The following MED27 variants were observed in gnomAD, a reference collection of about 807,000 sequenced individuals.
MED27 encodes the protein mediator complex subunit 27.
Under a neutral mutation model 38.2 loss-of-function variants are expected in MED27, and 30 were observed. That is an observed-to-expected ratio of 0.79 (90% CI 0.59 to 1.07). The LOEUF (loss-of-function observed/expected upper bound fraction) is 1.07, where lower values mean the gene tolerates loss of function less well. Ranked by LOEUF, MED27 falls within the 50% of genes least tolerant of loss-of-function variation. The probability of loss-of-function intolerance (pLI) is 0.00; values close to 1 mark genes in which losing one functional copy is unlikely to be tolerated. For synonymous variants in MED27, 122 were observed against 153.5 expected (o/e 0.79, Z 1.52); for missense variants, 289 against 397.5 (o/e 0.73, Z 2.32).
intron 2 of MED27, among the ~76,000 whole-genome samples, chr9:132,022,186 CTA>C (rs1398956266): frequency 6.6e-6 from 1 of 152,120 alleles, no homozygotes; most frequent in African/African-American, 2.4e-5. Flanking sequence ...TCTTGTTTGC[CTA>C]TGTTTCTACT....
chr9:132,027,733 A>C (rs1162198902), intron 2 of MED27, among the ~76,000 whole-genome samples: 3 of 152,248 alleles, frequency 2.0e-5, no homozygotes, highest in Non-Finnish European at 4.4e-5. Context: ...GTGAATAGTC[A>C]TACATTTTGC....
At chr9:132,059,770 C>A (rs1235745897) in intron 2 of MED27, among the ~76,000 whole-genome samples, 1 of 152,236 alleles carries the variant, frequency 6.6e-6, no homozygotes, top group Non-Finnish European at 1.5e-5. Context: ...CAGGGACATA[C>A]GACTTCCCTC....
intron 5 of MED27, 55 bp from the exon 6 acceptor site, chr9:131,884,154 A>C: frequency 7.0e-7 from 1 of 1,421,226 alleles, no homozygotes; most frequent in Non-Finnish European, 9.7e-7. Flanking sequence ...TCGGGACTTC[A>C]AGAAATAATA....
intron 2 of MED27, among the ~76,000 whole-genome samples, chr9:132,035,930 A>AC (rs995986005): frequency 2.0e-5 from 3 of 151,942 alleles, no homozygotes; most frequent in African/African-American, 7.3e-5. Flanking sequence ...ACACCACTGC[A>AC]CCCCCAGCCT....
chr9:132,038,164 C>T (rs994391924), intron 2 of MED27, among the ~76,000 whole-genome samples: 4 of 150,986 alleles, frequency 2.6e-5, no homozygotes, highest in Middle Eastern at 3.5e-3. Context: ...ATGGGCCAAT[C>T]GCTAAAATGT....
chr9:132,042,346 A>G (rs1182251155), intron 2 of MED27, among the ~76,000 whole-genome samples: 2 of 152,230 alleles, frequency 1.3e-5, no homozygotes, highest in Non-Finnish European at 2.9e-5. Context: ...TTTATGCTCG[A>G]AAGTGTGTAT....
chr9:132,073,414 C>T, intron 2 of MED27: 1 of 1,074,400 alleles, frequency 9.3e-7, no homozygotes, highest in Non-Finnish European at 1.1e-6. Context: ...TTACAGTGTA[C>T]CAGGCGCCTT....
intron 4 of MED27, among the ~76,000 whole-genome samples, chr9:131,937,165 G>A (rs1830700210): frequency 6.6e-6 from 1 of 152,182 alleles, no homozygotes; most frequent in Non-Finnish European, 1.5e-5. Context: ...TGTGGTAGCA[G>A]TGAATAGCCT....
intron 2 of MED27, among the ~76,000 whole-genome samples, chr9:132,062,678 G>A (rs1479402134): frequency 6.6e-6 from 1 of 151,844 alleles, no homozygotes; most frequent in Non-Finnish European, 1.5e-5. Context: ...AGTACAGTGG[G>A]GTGATCACAG....
intron 3 of MED27, among the ~76,000 whole-genome samples, chr9:131,999,187 G>T (rs1832164991): frequency 6.6e-6 from 1 of 152,162 alleles, no homozygotes; most frequent in African/African-American, 2.4e-5. Context: ...AGACATACCT[G>T]GGAATATCTT....
chr9:131,980,281 A>G (rs1831702359), intron 3 of MED27, among the ~76,000 whole-genome samples: 1 of 152,186 alleles, frequency 6.6e-6, no homozygotes, highest in Non-Finnish European at 1.5e-5. Flanking sequence ...ACTGCCTTAA[A>G]AATAAACCAG....
At chr9:131,901,848 C>T (rs1370279124) in intron 4 of MED27, among the ~76,000 whole-genome samples, 2 of 152,208 alleles carry the variant, frequency 1.3e-5, no homozygotes, top group Non-Finnish European at 2.9e-5. Flanking sequence ...GTCTGCCTAA[C>T]AACCCGGGAT....
intron 3 of MED27, among the ~76,000 whole-genome samples, chr9:131,973,660 C>T (rs537255664): frequency 6.6e-6 from 1 of 151,924 alleles, no homozygotes; most frequent in African/African-American, 2.4e-5. Flanking sequence ...GGAGGAAGAA[C>T]AGCAGTTTAC....
intron 4 of MED27, among the ~76,000 whole-genome samples, chr9:131,910,916 C>T (rs899474282): frequency 2.0e-5 from 3 of 152,152 alleles, no homozygotes; most frequent in African/African-American, 7.2e-5. Context: ...CCTCCCCACC[C>T]CCCACAACCA....
chr9:131,928,984 A>G (rs140108466), intron 4 of MED27, among the ~76,000 whole-genome samples: 14 of 152,384 alleles, frequency 9.2e-5, no homozygotes, highest in African/African-American at 3.4e-4. Context: ...TGAGGACAGG[A>G]GAGCGAAGAG....
At chr9:131,988,729 T>C (rs772857547) in intron 3 of MED27, among the ~76,000 whole-genome samples, 2 of 152,200 alleles carry the variant, frequency 1.3e-5, no homozygotes, top group Non-Finnish European at 2.9e-5. Context: ...CTTCCCCCTT[T>C]GGCCTCCCAA....
intron 2 of MED27, among the ~76,000 whole-genome samples, chr9:132,025,341 C>T (rs893663643): frequency 2.0e-5 from 3 of 152,152 alleles, no homozygotes; most frequent in African/African-American, 7.2e-5. Context: ...CGCCACCACA[C>T]CCAGCTAATT....
chr9:131,872,207 C>T lies in MED27; in HGVS notation c.724-9067G>A, dbSNP rs1321545528. ...TTGGGTGCAGGTTCAAGGGCCGCTG[C>T]GGGCCACTGCCTGCTTCCCACCACC... On this transcript the variant is annotated intron_variant, in intron 6 of 7. Transcript: ENST00000292035. This position sits in a 1 kb window ranked among gnomAD's most constrained non-coding sequence, Gnocchi z 5.6. Among the ~76,000 whole-genome samples, 4 of 152,204 alleles carry T rather than the reference C, an allele frequency of 2.6e-5. No individual in the cohort carries two copies. The highest frequency in any genetic ancestry group is 1.9e-4 in the East Asian group (1 of 5,180).
In MED27 at chr9:132,018,373, G is replaced by C. The variant is rs1231111564; in HGVS notation, c.349-3906C>G. On this transcript the variant is annotated intron_variant, in intron 2 of 7. Transcript: ENST00000292035. ...AATACTGGAAGCAAATGATATAAAA[G>C]GAAATGATAAAAACAGGATTCAAAT... Among the ~76,000 whole-genome samples, 2 of 152,142 alleles carry C rather than the reference G, an allele frequency of 1.3e-5. 1 individual carries two copies. The highest frequency in any genetic ancestry group is 4.8e-5 in the African/African-American group (2 of 41,406).
Sources: allele counts gnomAD v4.1 joint callset (sites outside exome capture counted in the v4.1 genomes callset), GRCh38; gene constraint gnomAD v4.1.1; non-coding constraint Gnocchi (gnomAD v3.1); transcripts MANE v1.5; gene names NCBI Gene and HGNC (gene_info 2026-07-23, HGNC 2026-07-21).